MYH11: variants seen among roughly 807,000 people sequenced by gnomAD.
MYH11 encodes myosin heavy chain 11, also known as myosin-11.
In MYH11, 80 loss-of-function variants were observed where a neutral mutation model predicts 246.6. The observed-to-expected ratio is 0.32, with a 90% CI of 0.27 to 0.39. The LOEUF (loss-of-function observed/expected upper bound fraction) is 0.39. Ranked by LOEUF, MYH11 falls within the 10% of genes least tolerant of loss-of-function variation. MYH11 has a pLI of 1.00. For missense variants in MYH11, 2,158 were observed against 2,546.8 expected (o/e 0.85, Z 3.29); for synonymous variants, 1,071 against 1,015.5 (o/e 1.05, Z -1.04).
intron 2 of MYH11, among the ~76,000 whole-genome samples, chr16:15,827,458 G>A (rs1054833916): frequency 6.6e-5 from 10 of 152,160 alleles, no homozygotes; most frequent in South Asian, 4.1e-4. Flanking sequence ...CCATCGGACC[G>A]AAATGGAGAA....
Position 15,773,752 on chromosome 16 carries a change from T to G in MYH11, c.890-2040A>C, listed in dbSNP as rs945939583. Reference sequence around the variant, plus strand: ...CTCACTAGGCAACAGAGTTGAGTAGTTGCAACAGAGGCCATCTGGTCCTTA... The same window carrying G: ...CTCACTAGGCAACAGAGTTGAGTAGGTGCAACAGAGGCCATCTGGTCCTTA... On this transcript the variant is annotated intron_variant, in intron 8 of 40. Transcript: ENST00000300036. Among the ~76,000 whole-genome samples the G allele has an allele frequency of 2.0e-5, 3 of 152,204 alleles. No homozygotes were observed. In the East Asian group the frequency reaches 5.8e-4, roughly 29 times the overall value.
chr16:15,718,171 C>G, intron 37 of MYH11, 144 bp downstream of exon 37: 1 of 1,305,366 alleles, frequency 7.7e-7, no homozygotes, highest in Non-Finnish European at 1.1e-6. Context: ...GGCCCTGGAT[C>G]TCTACTCTCA....
intron 25 of MYH11, among the ~76,000 whole-genome samples, chr16:15,736,912 A>G (rs1203307472): frequency 1.3e-5 from 2 of 152,160 alleles, no homozygotes; most frequent in Non-Finnish European, 2.9e-5. Context: ...GTGTAAATCC[A>G]GCTAAGAGCC....
chr16:15,834,911 GTT>G (rs11414157), intron 2 of MYH11, among the ~76,000 whole-genome samples: 1 of 132,032 alleles, frequency 7.6e-6, no homozygotes. Flanking sequence ...CTCTACAGAA[GTT>G]TTTTTTTTTT....
At chr16:15,843,475 A>T (rs1464808192) in intron 1 of MYH11, among the ~76,000 whole-genome samples, 1 of 151,334 alleles carries the variant, frequency 6.6e-6, no homozygotes, top group Non-Finnish European at 1.5e-5. Flanking sequence ...CAGATCACGA[A>T]GTCAAGAGAT....
At chr16:15,718,182 G>T in intron 37 of MYH11, 133 bp downstream of exon 37, 1 of 1,438,208 alleles carries the variant, frequency 7.0e-7, no homozygotes, top group Non-Finnish European at 9.6e-7. Flanking sequence ...TCTACTCTCA[G>T]GCCCCACCAC....
intron 2 of MYH11, among the ~76,000 whole-genome samples, chr16:15,829,370 G>C (rs3851699): frequency 0.092 from 14,020 of 152,152 alleles, 801 homozygotes; most frequent in Middle Eastern, 0.21. Context: ...AATCTCTGCT[G>C]AGTTCTGTAA....
chr16:15,756,205 G>A lies in MYH11; in HGVS notation c.1749+136C>T, dbSNP rs117768496. On this transcript the variant is annotated intron_variant, in intron 14 of 40. Coordinates refer to ENST00000300036, the MANE Select transcript of MYH11 (RefSeq NM_002474.3). ...GTAGACAAATTACGAATAGGACTTG[G>A]TTGGGATTCGCTTAGCAGCAGATGG... The A allele has an allele frequency of 1.1e-3, 1,006 of 947,582 alleles. 2 individuals carry two copies. The highest frequency in any genetic ancestry group is 1.6e-3 in the Non-Finnish European group (955 of 605,316). The allele number at this position is 947,582 out of a possible 1,614,324, so 58.7% of individuals were successfully genotyped here. A position where few individuals can be genotyped will look rare whatever the true frequency, so the allele number is the denominator to read the frequency against.
At position 15,720,862 on chromosome 16, in the gene MYH11, TCTC is replaced by T. The variant is rs773606406; in HGVS notation, c.4765_4767del (p.Glu1589del). On this transcript the variant is annotated inframe_deletion, in exon 33 of 41. Transcript: ENST00000300036. Reference sequence around the variant, plus strand: ...ACCTGTCTCTGCAGTTGCCTCCTCTTCTCCTCATTCTGCTCGTCCCGGGCTTGG... The same window carrying T: ...ACCTGTCTCTGCAGTTGCCTCCTCTTCTCATTCTGCTCGTCCCGGGCTTGG... 29 of 1,613,638 alleles carry T rather than the reference TCTC, an allele frequency of 1.8e-5. No homozygotes were observed. The highest frequency in any genetic ancestry group is 3.3e-5 in the Admixed American group (2 of 59,962).
intron 2 of MYH11, among the ~76,000 whole-genome samples, chr16:15,825,184 C>T (rs1251676296): frequency 2.0e-5 from 3 of 151,914 alleles, no homozygotes; most frequent in Non-Finnish European, 2.9e-5. Context: ...CTTGTGGTTC[C>T]CAGAGGCTGG....
chr16:15,711,587 G>A (rs1455920838), intron 40 of MYH11, among the ~76,000 whole-genome samples: 2 of 152,178 alleles, frequency 1.3e-5, no homozygotes, highest in African/African-American at 2.4e-5. Flanking sequence ...TGGTATTAAA[G>A]GTAGTAAGAG....
At chr16:15,705,571 G>T (rs903999915) in intron 40 of MYH11, among the ~76,000 whole-genome samples, 7 of 152,160 alleles carry the variant, frequency 4.6e-5, no homozygotes, top group Non-Finnish European at 7.3e-5. Context: ...GACCTGAATC[G>T]GAAGACAGGT....
chr16:15,824,523 C>T (rs1332660641), intron 2 of MYH11, among the ~76,000 whole-genome samples: 1 of 152,136 alleles, frequency 6.6e-6, no homozygotes, highest in African/African-American at 2.4e-5. Context: ...TGAGGTGATG[C>T]GCCAGTCTCA....
chr16:15,725,134 T>TAAAAAAA, intron 28 of MYH11, 142 bp from the exon 29 acceptor site: 2 of 540,918 alleles, frequency 3.7e-6, no homozygotes, highest in South Asian at 2.1e-5. Flanking sequence ...GGGACTCTGA[T>TAAAAAAA]AAAAAAAAAA....
At chr16:15,739,839 T>G (rs1453500378) in intron 23 of MYH11, among the ~76,000 whole-genome samples, 3 of 152,078 alleles carry the variant, frequency 2.0e-5, no homozygotes, top group Non-Finnish European at 1.5e-5. Flanking sequence ...CCTCCCAGGT[T>G]CAAGTGATTC....
chr16:15,718,351 C>T lies in MYH11; in HGVS notation c.5259G>A (p.Glu1753=), dbSNP rs2040280041. The change falls in exon 37 of 41, where the codon GAG becomes GAA. Residue 1753 remains glutamate, a synonymous_variant. Coordinates refer to ENST00000300036, the MANE Select transcript of MYH11 (RefSeq NM_002474.3). ...CTTTGCGGACCCGGTCGCTCATGGC[C>T]TCCATGTTGCCCTGCTCCTCCTCCA... ...EELEEEQGNM[E]AMSDRVRKAT... 1 of 1,609,020 alleles carries T rather than the reference C, an allele frequency of 6.2e-7. No homozygotes were observed. Among genetic ancestry groups the T allele is most frequent in the Non-Finnish European group, 8.5e-7 (1 of 1,179,804 alleles).
chr16:15,720,440 G>T, intron 33 of MYH11, 128 bp from the exon 34 acceptor site: 1 of 1,294,988 alleles, frequency 7.7e-7, no homozygotes, highest in Non-Finnish European at 1.1e-6. Flanking sequence ...CTCATCCCCA[G>T]TTGCAGATGA....
intron 5 of MYH11, chr16:15,785,166 T>C (rs796860225): frequency 7.6e-5 from 12 of 158,334 alleles, no homozygotes; most frequent in African/African-American, 2.6e-4. Flanking sequence ...CTTTTTCTAA[T>C]TTCTTAGAGA....
chr16:15,834,125 C>T (rs772059397), intron 2 of MYH11, among the ~76,000 whole-genome samples: 4 of 152,000 alleles, frequency 2.6e-5, no homozygotes, highest in Non-Finnish European at 4.4e-5. Flanking sequence ...ATACACAGGC[C>T]TGTCCTGAAA....
Sources: allele counts gnomAD v4.1 joint callset (sites outside exome capture counted in the v4.1 genomes callset), GRCh38; gene constraint gnomAD v4.1.1; transcripts MANE v1.5; gene names NCBI Gene and HGNC (gene_info 2026-07-23, HGNC 2026-07-21).